Variants in PLXNC1 observed in about 807,000 individuals in gnomAD.
PLXNC1 encodes the protein plexin C1.
In PLXNC1, 75 loss-of-function variants were observed where a neutral mutation model predicts 178.2. The observed-to-expected ratio is 0.42, with a 90% CI of 0.35 to 0.51. The LOEUF is 0.51. Ranked by LOEUF, PLXNC1 falls within the 20% of genes least tolerant of loss-of-function variation. PLXNC1 has a pLI of 0.02. For missense variants in PLXNC1, 1,503 were observed against 1,984.4 expected, an observed-to-expected ratio of 0.76 and a Z score of 4.61; for synonymous variants, 790 against 779.9, an observed-to-expected ratio of 1.01 and a Z score of -0.22.
chr12:94,149,623 C>G lies in PLXNC1; in HGVS notation c.652C>G (p.Gln218Glu). The G allele has an allele frequency of 6.3e-7, 1 of 1,590,646 alleles. No individual in the cohort carries two copies. Among genetic ancestry groups the G allele is most frequent in the South Asian group, 1.1e-5 (1 of 88,296 alleles). The change falls in exon 1 of 31, where the codon CAG becomes GAG. Residue 218 changes from glutamine to glutamate, a missense_variant. Gln to Glu is a conservative substitution (Grantham distance 29, BLOSUM62 2). Coordinates refer to ENST00000258526, the MANE Select transcript of PLXNC1 (RefSeq NM_005761.3). ...KDTEGRSLAT[Q>E]ELGRLKLCEG... The stretch of plus-strand genomic sequence containing the variant: ...CACGGAGGGGCGCAGCCTGGCCACG[C>G]AGGAGCTGGGGCGCCTCAAGCTGTG...
chr12:94,263,859 G>A (rs1471880301), intron 20 of PLXNC1, among the ~76,000 whole-genome samples: 1 of 152,072 alleles, frequency 6.6e-6, no homozygotes, highest in Non-Finnish European at 1.5e-5. Flanking sequence ...GGACTGGGGA[G>A]GGCAGATATT....
chr12:94,237,332 G>T (rs763348133), intron 9 of PLXNC1, among the ~76,000 whole-genome samples: 14 of 152,254 alleles, frequency 9.2e-5, no homozygotes, highest in Middle Eastern at 6.8e-3. Context: ...CTTACATTGT[G>T]AGCCTCCAGA....
At chr12:94,302,767 T>G (rs2136233752) in intron 28 of PLXNC1, among the ~76,000 whole-genome samples, 1 of 152,326 alleles carries the variant, frequency 6.6e-6, no homozygotes, top group Admixed American at 6.5e-5. Flanking sequence ...TGCTAATTAT[T>G]TGTATCATAG....
Position 94,220,038 on chromosome 12 carries a change from G to A in PLXNC1, c.1577G>A (p.Ser526Asn). ...CAGACTACAGTGACTATGGTGGGAA[G>A]CTTCTCTCCAAGACACTCAAAGTGC... ...KEKTTVTMVG[S>N]FSPRHSKCMV... The change falls in exon 6 of 31, where the codon AGC becomes AAC. Residue 526 changes from serine to asparagine, a missense_variant. Transcript: ENST00000258526. The A allele has an allele frequency of 6.2e-7, 1 of 1,613,918 alleles. No individual in the cohort carries two copies. Among genetic ancestry groups the A allele is most frequent in the Non-Finnish European group, 8.5e-7 (1 of 1,179,916 alleles).
chr12:94,245,172 C>A (rs1187550737), intron 12 of PLXNC1, among the ~76,000 whole-genome samples: 4 of 152,338 alleles, frequency 2.6e-5, no homozygotes, highest in Admixed American at 2.6e-4. Context: ...GGTGTGAACA[C>A]CTCCAGTTGA....
intron 2 of PLXNC1, among the ~76,000 whole-genome samples, chr12:94,177,508 A>AG: frequency 6.7e-6 from 1 of 149,694 alleles, no homozygotes; most frequent in Non-Finnish European, 1.5e-5. Flanking sequence ...AAAAACAAAG[A>AG]AAGAAAGAGA....
chr12:94,218,388 C>T (rs187625743), intron 5 of PLXNC1, among the ~76,000 whole-genome samples: 2 of 152,280 alleles, frequency 1.3e-5, no homozygotes, highest in Admixed American at 1.3e-4. Context: ...TCTTAGGTGG[C>T]AGTGCCTAAG....
chr12:94,212,137 G>A (rs868263397), intron 5 of PLXNC1, among the ~76,000 whole-genome samples: 19 of 151,728 alleles, frequency 1.3e-4, no homozygotes, highest in Admixed American at 5.2e-4. Flanking sequence ...AGCCGGGCGT[G>A]GTGGCGGGCG....
chr12:94,191,265 A>G (rs1258499362), intron 4 of PLXNC1, among the ~76,000 whole-genome samples: 1 of 152,202 alleles, frequency 6.6e-6, no homozygotes, highest in South Asian at 2.1e-4. Context: ...TGTGACTCAT[A>G]TGAAGCTCCC....
intron 15 of PLXNC1, 110 bp from the exon 16 acceptor site, chr12:94,254,677 A>C: frequency 1.4e-6 from 1 of 726,870 alleles, no homozygotes; most frequent in Non-Finnish European, 2.4e-6. Context: ...CTCTGTCCCT[A>C]TCTGTTTTGT....
At chr12:94,280,272 T>C (rs1265430184) in intron 22 of PLXNC1, 1 of 167,576 alleles carries the variant, frequency 6.0e-6, no homozygotes, top group Non-Finnish European at 1.3e-5. Context: ...CATCAACATT[T>C]TAAAGTTGAG....
chr12:94,273,361 A>G (rs1237805600), intron 21 of PLXNC1, among the ~76,000 whole-genome samples: 2 of 152,052 alleles, frequency 1.3e-5, no homozygotes, highest in Non-Finnish European at 2.9e-5. Flanking sequence ...TTTTTTCTGT[A>G]GACTTCCTGA....
intron 21 of PLXNC1, among the ~76,000 whole-genome samples, chr12:94,266,521 C>A (rs997358747): frequency 6.6e-6 from 1 of 152,218 alleles, no homozygotes; most frequent in African/African-American, 2.4e-5. Flanking sequence ...TGCAGTAAAT[C>A]CAGGCTGTGG....
At position 94,305,310 on chromosome 12, in the gene PLXNC1, G is replaced by A. The variant is rs1176485055; in HGVS notation, c.*25G>A. 8.9e-6 allele frequency: 13 copies of A among 1,464,526 alleles called. No individual in the cohort carries two copies. The highest frequency in any genetic ancestry group is 1.1e-5 in the Non-Finnish European group (12 of 1,054,010). 90.7% of individuals were successfully genotyped at this position (1,464,526 alleles called of 1,614,324 possible). ...AGCACTCTGGGGCCTGGCTTAATCTGGCAAAGTTCTTCAGACGACTTGGGA... is the reference window on the plus strand; with the variant it reads ...AGCACTCTGGGGCCTGGCTTAATCTAGCAAAGTTCTTCAGACGACTTGGGA... On this transcript the variant is annotated 3_prime_UTR_variant, in exon 31 of 31. Coordinates refer to ENST00000258526, the MANE Select transcript of PLXNC1 (RefSeq NM_005761.3).
In PLXNC1 at chr12:94,209,687, C is replaced by T. The variant is rs1275959944; in HGVS notation, c.1537C>T (p.Arg513Ter). 9 of 1,602,624 alleles carry T rather than the reference C, an allele frequency of 5.6e-6. No individual in the cohort carries two copies. The highest frequency in any genetic ancestry group is 1.7e-5 in the Admixed American group (1 of 59,918). ...AAAGTGCCCTAAAATTCAGATAATT[C>T]GAAGCAGTAAAGAAAAGGTAAGAGG... is the stretch of plus-strand genomic sequence containing the variant. ...AKKCPKIQII[R>*]SSKEKTTVTM... The change falls in exon 5 of 31, where the codon CGA becomes TGA. Residue 513 changes from arginine to a stop codon, truncating the protein, a stop_gained. Coordinates refer to ENST00000258526, the MANE Select transcript of PLXNC1 (RefSeq NM_005761.3). LOFTEE classifies it high-confidence loss of function.
intron 21 of PLXNC1, among the ~76,000 whole-genome samples, chr12:94,275,285 A>T (rs1310808200): frequency 6.6e-6 from 1 of 152,240 alleles, no homozygotes; most frequent in Non-Finnish European, 1.5e-5. Flanking sequence ...CATCTCTCTG[A>T]CATCCCAGCC....
chr12:94,298,646 T>C lies in PLXNC1; in HGVS notation c.4089T>C (p.Ser1363=), dbSNP rs765349138. ...CTATCTTTCAGGTGGCAATTCATTC[T>C]GTGCTTGAAAAACTTTTTAGAAGCA... ...KLLSTKVAIH[S]VLEKLFRSIW... The change falls in exon 27 of 31, where the codon TCT becomes TCC. Residue 1363 remains serine, a synonymous_variant. Transcript: ENST00000258526. 2 of 1,595,092 alleles carry C rather than the reference T, an allele frequency of 1.3e-6. No homozygotes were observed. Among genetic ancestry groups the C allele is most frequent in the African/African-American group, 2.7e-5 (2 of 73,802 alleles).
intron 1 of PLXNC1, among the ~76,000 whole-genome samples, chr12:94,152,681 G>A (rs1405307393): frequency 6.6e-6 from 1 of 152,196 alleles, no homozygotes; most frequent in Non-Finnish European, 1.5e-5. Flanking sequence ...TAATCCACAG[G>A]CTGCAAGGCA....
At chr12:94,303,341 A>ATCAAG (rs1219764580) in intron 28 of PLXNC1, among the ~76,000 whole-genome samples, 1 of 152,214 alleles carries the variant, frequency 6.6e-6, no homozygotes, top group East Asian at 1.9e-4. Context: ...CAGACCTACA[A>ATCAAG]TCAAGTCTTT....
Sources: allele counts gnomAD v4.1 joint callset (sites outside exome capture counted in the v4.1 genomes callset), GRCh38; gene constraint gnomAD v4.1.1; transcripts MANE v1.5; gene names NCBI Gene and HGNC (gene_info 2026-07-23, HGNC 2026-07-21).